Variants in SDK1 observed in about 807,000 individuals in gnomAD.
The protein encoded by SDK1 is sidekick cell adhesion molecule 1.
Under a neutral mutation model 245.5 loss-of-function variants are expected in SDK1, and 157 were observed. The ratio of observed to expected loss-of-function variants is 0.64; its 90% CI spans 0.56 to 0.73. The LOEUF (loss-of-function observed/expected upper bound fraction) is 0.73. Ranked by LOEUF, SDK1 falls within the 30% of genes least tolerant of loss-of-function variation. The probability of loss-of-function intolerance (pLI) is 0.00; values close to 1 mark genes in which losing one functional copy is unlikely to be tolerated. For synonymous variants in SDK1, 1,647 were observed against 1,278.5 expected (o/e 1.29, Z -6.15); for missense variants, 3,583 against 3,002.3 (o/e 1.19, Z -4.52).
chr7:3,301,963 CG>C, intron 1 of SDK1, 79 bp downstream of exon 1: 2 of 1,013,230 alleles, frequency 2.0e-6, no homozygotes, highest in Non-Finnish European at 1.2e-6. Flanking sequence ...AGAGTGTGTC[CG>C]GGGTCCCCCC....
At chr7:4,094,762 A>G (rs1210189370) in intron 22 of SDK1, among the ~76,000 whole-genome samples, 3 of 152,220 alleles carry the variant, frequency 2.0e-5, no homozygotes, top group South Asian at 2.1e-4. Flanking sequence ...GCACCAGGCC[A>G]GGAGAATCGG....
intron 4 of SDK1, among the ~76,000 whole-genome samples, chr7:3,684,140 G>A (rs1345064214): frequency 1.3e-5 from 2 of 152,198 alleles, no homozygotes; most frequent in East Asian, 1.9e-4. Context: ...GTGGTACACT[G>A]ATCCCTGCAA....
intron 32 of SDK1, among the ~76,000 whole-genome samples, chr7:4,163,458 G>A (rs1781297649): frequency 6.6e-6 from 1 of 152,216 alleles, no homozygotes; most frequent in Non-Finnish European, 1.5e-5. Context: ...GCAGGAAGGG[G>A]TCCTGTGGAA....
intron 4 of SDK1, among the ~76,000 whole-genome samples, chr7:3,724,512 A>G (rs1778951171): frequency 6.6e-6 from 1 of 152,218 alleles, no homozygotes. Flanking sequence ...GTGAGAAGAG[A>G]GAAACAGAAA....
chr7:4,197,945 G>A (rs1008032040), intron 35 of SDK1, among the ~76,000 whole-genome samples: 2 of 152,234 alleles, frequency 1.3e-5, no homozygotes, highest in Non-Finnish European at 2.9e-5. Flanking sequence ...AAAAAGCAAA[G>A]TGCAGATGGT....
chr7:3,697,536 AC>A, intron 4 of SDK1, among the ~76,000 whole-genome samples: 1 of 152,150 alleles, frequency 6.6e-6, no homozygotes, highest in Non-Finnish European at 1.5e-5. Context: ...TTACTCTAAT[AC>A]CCCTTTTTTT....
rs1041435013 is a variant in SDK1, at chr7:3,897,058, C to T, written c.848-53865C>T. On this transcript the variant is annotated intron_variant, in intron 5 of 44. Transcript: ENST00000404826. The stretch of plus-strand genomic sequence containing the variant: ...GCACACTTACCAAACAACCAGATTT[C>T]GTGAGAATTCTATCATGAAAGCAGC... 7.2e-5 allele frequency among the ~76,000 whole-genome samples: 11 copies of T among 152,052 alleles called. No homozygotes were observed. The East Asian group carries it at 1.2e-3, about 16-fold the overall frequency.
In SDK1 at chr7:4,145,774, C is replaced by T. The variant is rs542857570; in HGVS notation, c.4281C>T (p.Thr1427=). 3.9e-5 allele frequency: 63 copies of T among 1,613,422 alleles called. 1 individual carries two copies. Among genetic ancestry groups the T allele is most frequent in the Admixed American group, 3.3e-4 (20 of 59,970 alleles). ...GCAGCAGCCCCCACACCTTCACCAC[C>T]GTGGAGGTCGGCGCCACAGTGAGGC... ...LASSSPHTFT[T]VEVGATVRQF... The change falls in exon 29 of 45, where the codon ACC becomes ACT. Residue 1427 remains threonine, a synonymous_variant. Coordinates refer to ENST00000404826, the MANE Select transcript of SDK1 (RefSeq NM_152744.4).
chr7:4,261,985 GA>G (rs896706815), intron 44 of SDK1, among the ~76,000 whole-genome samples: 6 of 134,214 alleles, frequency 4.5e-5, no homozygotes, highest in South Asian at 2.5e-4. Flanking sequence ...CTTCTTAGGG[GA>G]AAAAAAAATC....
chr7:3,642,219 A>C (rs1782673335), intron 4 of SDK1, 114 bp downstream of exon 4: 1 of 887,456 alleles, frequency 1.1e-6, no homozygotes, highest in Non-Finnish European at 1.7e-6. Flanking sequence ...AGAGCAAACT[A>C]GTCTAGGAGT....
intron 4 of SDK1, among the ~76,000 whole-genome samples, chr7:3,733,780 G>A (rs1387045680): frequency 6.6e-6 from 1 of 152,088 alleles, no homozygotes; most frequent in East Asian, 1.9e-4. Flanking sequence ...GTTGCTTCAC[G>A]GCCCTTCCCT....
chr7:3,549,148 C>T (rs1281527091), intron 1 of SDK1, among the ~76,000 whole-genome samples: 3 of 152,224 alleles, frequency 2.0e-5, no homozygotes, highest in African/African-American at 7.2e-5. Context: ...AAGGCTTCCT[C>T]CTGTCTTTGT....
intron 1 of SDK1, among the ~76,000 whole-genome samples, chr7:3,401,088 T>C (rs1197512645): frequency 6.6e-6 from 1 of 152,170 alleles, no homozygotes; most frequent in African/African-American, 2.4e-5. Context: ...CTCCGTAATG[T>C]GTCCTGATGG....
chr7:3,337,513 G>A (rs751938065), intron 1 of SDK1, among the ~76,000 whole-genome samples: 1 of 152,072 alleles, frequency 6.6e-6, no homozygotes, highest in Non-Finnish European at 1.5e-5. Flanking sequence ...CAAATTTGGT[G>A]AAAGACAGAA....
At chr7:4,067,224 G>GT (rs1407520608) in intron 19 of SDK1, among the ~76,000 whole-genome samples, 1 of 152,164 alleles carries the variant, frequency 6.6e-6, no homozygotes, top group Admixed American at 6.5e-5. Flanking sequence ...GCGTTCAAGC[G>GT]TAACTCTGCG....
At chr7:3,539,069 A>G (rs1312811685) in intron 1 of SDK1, among the ~76,000 whole-genome samples, 1 of 151,984 alleles carries the variant, frequency 6.6e-6, no homozygotes, top group Non-Finnish European at 1.5e-5. Context: ...TTCTGCGATC[A>G]TTATGCAGAC....
At chr7:4,080,060 G>A (rs1340834306) in intron 22 of SDK1, among the ~76,000 whole-genome samples, 4 of 152,196 alleles carry the variant, frequency 2.6e-5, no homozygotes, top group African/African-American at 9.7e-5. Context: ...AGTTTCTGCT[G>A]TCGAGGAGAA....
chr7:3,990,158 A>C (rs1784186460), intron 14 of SDK1, among the ~76,000 whole-genome samples: 1 of 152,210 alleles, frequency 6.6e-6, no homozygotes, highest in Non-Finnish European at 1.5e-5. Context: ...GCACCACGCA[A>C]ACCAGTTCAC....
Position 3,619,092 on chromosome 7 carries a change from C to T in SDK1, c.311C>T (p.Pro104Leu), listed in dbSNP as rs1288748441. Residue 104 changes from proline (P) to leucine (L), a missense_variant, in exon 2 of 45, where the codon CCA becomes CTA. Coordinates refer to ENST00000404826, the MANE Select transcript of SDK1 (RefSeq NM_152744.4). ...TTTAATATTTCAGATGATGTTGCTC[C>T]ATATTTTAAAACGGAGCCAGGCCTA... ...LRALAQDDVAPYFKTEPGLPQ... is the reference protein window; with the variant it reads ...LRALAQDDVALYFKTEPGLPQ... 2 of 1,598,850 alleles carry T rather than the reference C, an allele frequency of 1.3e-6. No individual in the cohort carries two copies. Among genetic ancestry groups the T allele is most frequent in the South Asian group, 1.1e-5 (1 of 89,792 alleles).
Sources: gnomAD v4.1 joint callset for allele counts (sites outside exome capture counted in the v4.1 genomes callset) on GRCh38, gnomAD v4.1.1 for gene constraint, MANE v1.5 for transcripts, NCBI Gene and HGNC (gene_info 2026-07-23, HGNC 2026-07-21) for gene names.